DOK5: variants seen among roughly 807,000 people sequenced by gnomAD.
DOK5 encodes downstream of tyrosine kinase 5.
Under a neutral mutation model 43.3 loss-of-function variants are expected in DOK5, and 27 were observed. The ratio of observed to expected loss-of-function variants is 0.62; its 90% CI spans 0.46 to 0.86. The LOEUF is 0.86. Ranked by LOEUF, DOK5 falls within the 40% of genes least tolerant of loss-of-function variation. The probability of loss-of-function intolerance (pLI) is 0.00; values close to 1 mark genes in which losing one functional copy is unlikely to be tolerated. For synonymous variants in DOK5, 146 were observed against 140.1 expected (o/e 1.04, Z -0.30); for missense variants, 373 against 392.9 (o/e 0.95, Z 0.43).
At chr20:54,592,390 T>C (rs1986002867) in intron 5 of DOK5, among the ~76,000 whole-genome samples, 1 of 152,146 alleles carries the variant, frequency 6.6e-6, no homozygotes, top group Admixed American at 6.5e-5. Context: ...GGGGTTAATC[T>C]GGGAGAGATT....
At chr20:54,568,484 C>T (rs759400475) in intron 2 of DOK5, among the ~76,000 whole-genome samples, 8 of 152,096 alleles carry the variant, frequency 5.3e-5, no homozygotes, top group Non-Finnish European at 1.0e-4. Context: ...AAATCACAGG[C>T]TATTATTAGC....
rs144328268 is a variant in DOK5, at chr20:54,588,590, C to T, written c.282C>T (p.Cys94=). ...FNDDTSKTFA[C]ESDLEADEWC... is the part of the protein sequence containing the mutation. ...ACGATACCTCCAAGACTTTTGCTTG[C>T]GAATCAGGTTTGTCTCAGGCAGGGC... Residue 94 remains cysteine (C), a synonymous_variant, in exon 3 of 8, where the codon TGC becomes TGT. Coordinates refer to ENST00000262593, the MANE Select transcript of DOK5 (RefSeq NM_018431.5). 647 of 1,614,110 alleles carry T rather than the reference C, an allele frequency of 4.0e-4. 3 individuals carry two copies. The African/African-American group carries it at 4.7e-3, about 12-fold the overall frequency.
chr20:54,587,046 G>A (rs961667283), intron 2 of DOK5, among the ~76,000 whole-genome samples: 1 of 152,114 alleles, frequency 6.6e-6, no homozygotes, highest in African/African-American at 2.4e-5. Context: ...TGCATTAATG[G>A]GGATTAAAAT....
intron 6 of DOK5, among the ~76,000 whole-genome samples, chr20:54,633,280 G>A (rs1176482989): frequency 6.6e-6 from 1 of 152,144 alleles, no homozygotes; most frequent in Non-Finnish European, 1.5e-5. Context: ...AAGAGAATAA[G>A]TAGGCAGAAC....
At chr20:54,512,980 C>G (rs1368717466) in intron 1 of DOK5, among the ~76,000 whole-genome samples, 1 of 152,158 alleles carries the variant, frequency 6.6e-6, no homozygotes, top group Non-Finnish European at 1.5e-5. Flanking sequence ...TCACTGATGG[C>G]TTTTTCCCCC....
At chr20:54,487,644 A>G (rs552714140) in intron 1 of DOK5, among the ~76,000 whole-genome samples, 1 of 152,276 alleles carries the variant, frequency 6.6e-6, no homozygotes, top group Non-Finnish European at 1.5e-5. Flanking sequence ...CTTTACTTAT[A>G]GCCGCCAAAT....
At chr20:54,528,319 A>G (rs1983647766) in intron 1 of DOK5, among the ~76,000 whole-genome samples, 1 of 152,196 alleles carries the variant, frequency 6.6e-6, no homozygotes, top group African/African-American at 2.4e-5. Flanking sequence ...TCAGAATAAT[A>G]GTAGCTTATT....
intron 7 of DOK5, among the ~76,000 whole-genome samples, chr20:54,646,925 T>C (rs1404731957): frequency 6.6e-6 from 1 of 151,520 alleles, no homozygotes; most frequent in East Asian, 1.9e-4. Flanking sequence ...ATCTGGAGGT[T>C]AAGGTTGGAA....
intron 4 of DOK5, 51 bp downstream of exon 4, chr20:54,588,857 A>G (rs6014067): frequency 0.096 from 152,743 of 1,596,810 alleles, 13,771 homozygotes; most frequent in African/African-American, 0.48. Context: ...TTCTGTCTCC[A>G]TATGATAAAA....
chr20:54,574,405 C>T (rs1985390821), intron 2 of DOK5, among the ~76,000 whole-genome samples: 4 of 151,986 alleles, frequency 2.6e-5, no homozygotes, highest in Admixed American at 2.6e-4. Context: ...GCCACTGTTC[C>T]TTTCTTGAGG....
intron 2 of DOK5, among the ~76,000 whole-genome samples, chr20:54,556,096 G>A (rs1167725120): frequency 6.6e-6 from 1 of 152,110 alleles, no homozygotes; most frequent in Non-Finnish European, 1.5e-5. Flanking sequence ...TACTTTATAG[G>A]CACACCTGTA....
chr20:54,509,394 T>A (rs1982936287), intron 1 of DOK5, among the ~76,000 whole-genome samples: 1 of 152,010 alleles, frequency 6.6e-6, no homozygotes, highest in Non-Finnish European at 1.5e-5. Flanking sequence ...GGTCTTGCTT[T>A]TTTGGCCCAG....
At chr20:54,648,501 C>T (rs1406944813) in intron 7 of DOK5, among the ~76,000 whole-genome samples, 1 of 152,068 alleles carries the variant, frequency 6.6e-6, no homozygotes, top group Admixed American at 6.5e-5. Flanking sequence ...CACCCCAAGA[C>T]CTTAAGTCTA....
At chr20:54,611,060 T>G (rs934506956) in intron 6 of DOK5, among the ~76,000 whole-genome samples, 8 of 152,160 alleles carry the variant, frequency 5.3e-5, no homozygotes, top group Admixed American at 5.2e-4. Context: ...TGTTGGAAAT[T>G]AATTCTAGTT....
intron 1 of DOK5, among the ~76,000 whole-genome samples, chr20:54,526,688 C>A (rs1983586589): frequency 2.0e-5 from 3 of 152,092 alleles, no homozygotes; most frequent in Non-Finnish European, 4.4e-5. Flanking sequence ...GTGTTTTTTT[C>A]AGAAATACCT....
chr20:54,515,098 C>T (rs1407812368), intron 1 of DOK5, among the ~76,000 whole-genome samples: 1 of 151,996 alleles, frequency 6.6e-6, no homozygotes, highest in Non-Finnish European at 1.5e-5. Context: ...GTAATCTCCG[C>T]CTCCCAGGTT....
chr20:54,554,433 T>G (rs935129497), intron 1 of DOK5, among the ~76,000 whole-genome samples: 21 of 152,170 alleles, frequency 1.4e-4, no homozygotes, highest in African/African-American at 5.1e-4. Flanking sequence ...ATCTGGTTGG[T>G]GTTAATCAGC....
intron 5 of DOK5, among the ~76,000 whole-genome samples, chr20:54,595,099 T>C (rs1986095859): frequency 1.3e-5 from 2 of 152,160 alleles, no homozygotes; most frequent in Non-Finnish European, 2.9e-5. Flanking sequence ...CCCAGCACTT[T>C]GGGAGGCCAA....
chr20:54,475,836 C>G lies in DOK5; in HGVS notation c.-111C>G. The G allele has an allele frequency of 8.9e-6, 12 of 1,353,356 alleles. No individual in the cohort carries two copies. Among genetic ancestry groups the G allele is most frequent in the Non-Finnish European group, 1.2e-5 (12 of 966,520 alleles). The allele number at this position is 1,353,356 out of a possible 1,614,324, so 83.8% of individuals were successfully genotyped here. Reference sequence around the variant, plus strand: ...GCCCAGCGCCGCCGAAGCAGCTTCACCTCTCCAACTTTCTCCCACCGACTG... The same window carrying G: ...GCCCAGCGCCGCCGAAGCAGCTTCAGCTCTCCAACTTTCTCCCACCGACTG... On this transcript the variant is annotated 5_prime_UTR_variant, in exon 1 of 8. Coordinates refer to ENST00000262593, the MANE Select transcript of DOK5 (RefSeq NM_018431.5). The surrounding 1 kb of genome is among the most constrained non-coding windows in gnomAD (Gnocchi z 4.2).
Sources: allele counts gnomAD v4.1 joint callset (sites outside exome capture counted in the v4.1 genomes callset), GRCh38; gene constraint gnomAD v4.1.1; non-coding constraint Gnocchi (gnomAD v3.1); transcripts MANE v1.5; gene names NCBI Gene and HGNC (gene_info 2026-07-23, HGNC 2026-07-21).